Variants in CHST9 observed in about 807,000 individuals in gnomAD.
The protein encoded by CHST9 is carbohydrate sulfotransferase 9.
A neutral mutation model predicts 44.4 loss-of-function variants in CHST9; 41 were observed. That is an observed-to-expected ratio of 0.92 (90% CI 0.72 to 1.20). CHST9 has a LOEUF of 1.20. Ranked by LOEUF, CHST9 falls within the 50% of genes most tolerant of loss-of-function variation. The pLI, the probability that CHST9 is intolerant of heterozygous loss-of-function variation, is 0.00. For synonymous variants in CHST9, 171 were observed against 178.4 expected (o/e 0.96, Z 0.33); for missense variants, 504 against 516.5 (o/e 0.98, Z 0.23).
chr18:27,056,351 C>T (rs984806740), intron 2 of CHST9, among the ~76,000 whole-genome samples: 1 of 152,110 alleles, frequency 6.6e-6, no homozygotes, highest in African/African-American at 2.4e-5. Context: ...TAGTGAATGT[C>T]AGAACTGGAA....
At chr18:27,143,766 G>C (rs1005000419) in intron 1 of CHST9, among the ~76,000 whole-genome samples, 3 of 151,820 alleles carry the variant, frequency 2.0e-5, no homozygotes, top group African/African-American at 7.2e-5. Flanking sequence ...TGCAGGGAGG[G>C]GAACATCACA....
In CHST9 at chr18:26,926,718, G is replaced by GT. The variant is rs554616120; in HGVS notation, c.241-9369dup. Reference sequence around the variant, plus strand: ...TAAACATTAGTTAGCAGAATATCTTGTTTTTTTAAAGAAACTCAAAGCCTT... The same window carrying GT: ...TAAACATTAGTTAGCAGAATATCTTGTTTTTTTTAAAGAAACTCAAAGCCTT... On this transcript the variant is annotated intron_variant, in intron 5 of 5. Coordinates refer to ENST00000618847, the MANE Select transcript of CHST9 (RefSeq NM_031422.6). 1.5e-3 allele frequency among the ~76,000 whole-genome samples: 230 copies of GT among 152,192 alleles called. No homozygotes were observed. In the South Asian group the frequency reaches 0.018, roughly 12 times the overall value.
At chr18:26,965,554 G>A (rs758050668) in intron 4 of CHST9, among the ~76,000 whole-genome samples, 3 of 152,172 alleles carry the variant, frequency 2.0e-5, no homozygotes, top group Non-Finnish European at 4.4e-5. Flanking sequence ...ACCACCATTA[G>A]CTGAGCAACA....
chr18:27,147,229 T>C (rs1369829789), intron 1 of CHST9, among the ~76,000 whole-genome samples: 2 of 151,932 alleles, frequency 1.3e-5, no homozygotes, highest in Admixed American at 1.3e-4. Context: ...CACACCCGGC[T>C]GATTTTTTTG....
intron 2 of CHST9, among the ~76,000 whole-genome samples, chr18:27,084,066 A>T (rs891080236): frequency 1.3e-5 from 2 of 149,352 alleles, no homozygotes; most frequent in Admixed American, 1.3e-4. Flanking sequence ...GGATTTTTGT[A>T]TCTATGTTCA....
chr18:27,064,992 T>C (rs1437828328), intron 2 of CHST9, among the ~76,000 whole-genome samples: 1 of 152,202 alleles, frequency 6.6e-6, no homozygotes, highest in Non-Finnish European at 1.5e-5. Context: ...AGGTCTGTAA[T>C]GTATAAACTT....
chr18:26,933,577 T>C (rs576131920), intron 5 of CHST9: 2 of 153,890 alleles, frequency 1.3e-5, no homozygotes, highest in South Asian at 4.1e-4. Context: ...ATTCCCATGA[T>C]CAAGATTTTG....
chr18:27,059,578 C>T (rs368296817), intron 2 of CHST9, among the ~76,000 whole-genome samples: 18 of 152,292 alleles, frequency 1.2e-4, no homozygotes, highest in Admixed American at 7.2e-4. Flanking sequence ...AGTTTGTTCA[C>T]TTTAAATAGC....
At chr18:26,966,880 TAA>T (rs35286743) in intron 4 of CHST9, among the ~76,000 whole-genome samples, 52 of 128,536 alleles carry the variant, frequency 4.0e-4, no homozygotes, top group Admixed American at 4.8e-4. Context: ...TTACTTTCTT[TAA>T]AAAAAAAAAA....
intron 1 of CHST9, among the ~76,000 whole-genome samples, chr18:27,183,253 A>G (rs527790380): frequency 1.1e-4 from 16 of 152,326 alleles, no homozygotes; most frequent in Admixed American, 4.6e-4. Flanking sequence ...GCCAAACACA[A>G]CAGTTACTGA....
chr18:27,056,672 C>T (rs2057660122), intron 2 of CHST9, among the ~76,000 whole-genome samples: 1 of 152,148 alleles, frequency 6.6e-6, no homozygotes, highest in Admixed American at 6.5e-5. Context: ...GCAAATAGTA[C>T]ATTGCTAGGT....
intron 2 of CHST9, among the ~76,000 whole-genome samples, chr18:27,066,053 G>A (rs541929914): frequency 1.3e-5 from 2 of 152,314 alleles, no homozygotes; most frequent in African/African-American, 2.4e-5. Context: ...GAGGGCACAG[G>A]ACCTCACAGA....
At chr18:27,068,560 T>A (rs2057806273) in intron 2 of CHST9, among the ~76,000 whole-genome samples, 1 of 152,210 alleles carries the variant, frequency 6.6e-6, no homozygotes, top group Non-Finnish European at 1.5e-5. Flanking sequence ...TTTTCTAGAG[T>A]AATTTGCATT....
intron 2 of CHST9, among the ~76,000 whole-genome samples, chr18:27,112,890 T>C (rs2058285328): frequency 6.6e-6 from 1 of 152,154 alleles, no homozygotes; most frequent in Admixed American, 6.5e-5. Flanking sequence ...GCTGCCTATA[T>C]CTTTTTAAAA....
intron 2 of CHST9, among the ~76,000 whole-genome samples, chr18:27,118,658 G>A (rs2058349370): frequency 6.6e-6 from 1 of 152,224 alleles, no homozygotes. Context: ...ATTTGGCTCT[G>A]GAGAAGGCAT....
intron 4 of CHST9, among the ~76,000 whole-genome samples, chr18:26,975,713 G>A (rs1657320): frequency 1.3e-3 from 111 of 82,968 alleles, no homozygotes; most frequent in African/African-American, 4.6e-3. Flanking sequence ...GTATATATGT[G>A]TGTGTGTGTG....
chr18:27,110,883 T>C (rs1243167268), intron 2 of CHST9, among the ~76,000 whole-genome samples: 4 of 152,172 alleles, frequency 2.6e-5, no homozygotes, highest in African/African-American at 9.7e-5. Context: ...AAATGCAACT[T>C]CTCAGGCTGA....
chr18:27,045,308 A>G (rs2057487248), intron 3 of CHST9, among the ~76,000 whole-genome samples: 1 of 152,062 alleles, frequency 6.6e-6, no homozygotes, highest in Non-Finnish European at 1.5e-5. Context: ...ATCCTAACAT[A>G]CCTTTTTCTA....
intron 2 of CHST9, among the ~76,000 whole-genome samples, chr18:27,101,450 G>A (rs2058170726): frequency 1.3e-5 from 2 of 150,680 alleles, no homozygotes; most frequent in African/African-American, 4.9e-5. Flanking sequence ...AAAATTAGCC[G>A]GGTGCGGTGG....
Sources: allele counts gnomAD v4.1 joint callset (sites outside exome capture counted in the v4.1 genomes callset), GRCh38; gene constraint gnomAD v4.1.1; transcripts MANE v1.5; gene names NCBI Gene and HGNC (gene_info 2026-07-23, HGNC 2026-07-21).